PDE4D: variants seen among roughly 807,000 people sequenced by gnomAD.
PDE4D encodes 3',5'-cyclic-AMP phosphodiesterase 4D.
In PDE4D, 24 loss-of-function variants were observed where a neutral mutation model predicts 87.4. The observed-to-expected ratio is 0.27, with a 90% CI of 0.20 to 0.39. The LOEUF (loss-of-function observed/expected upper bound fraction) is 0.39, where lower values mean the gene tolerates loss of function less well. Among genes scored for constraint, PDE4D ranks in the 10% least tolerant of loss-of-function variants. The pLI is 1.00. For missense variants in PDE4D, 714 were observed against 1,041.0 expected, an observed-to-expected ratio of 0.69 and a Z score of 4.32; for synonymous variants, 384 against 383.2, an observed-to-expected ratio of 1.00 and a Z score of -0.02.
chr5:60,173,064 A>T (rs1184391934), intron 2 of PDE4D, among the ~76,000 whole-genome samples: 1 of 152,102 alleles, frequency 6.6e-6, no homozygotes, highest in Non-Finnish European at 1.5e-5. Flanking sequence ...GGATAGCTAT[A>T]AATATAGATA....
At chr5:60,168,973 A>G (rs1240335766) in intron 2 of PDE4D, among the ~76,000 whole-genome samples, 1 of 152,152 alleles carries the variant, frequency 6.6e-6, no homozygotes, top group Non-Finnish European at 1.5e-5. Flanking sequence ...GTATACCACT[A>G]GAGCTCTTGT....
At chr5:59,800,421 C>G (rs1013517251) in intron 1 of PDE4D, among the ~76,000 whole-genome samples, 49 of 152,196 alleles carry the variant, frequency 3.2e-4, no homozygotes, top group Admixed American at 3.0e-3. Context: ...ATATGTGTAT[C>G]AAGTGCTGCT....
At chr5:59,794,015 G>T (rs576483685) in intron 1 of PDE4D, among the ~76,000 whole-genome samples, 1 of 152,162 alleles carries the variant, frequency 6.6e-6, no homozygotes, top group South Asian at 2.1e-4. Flanking sequence ...GCACTCATGT[G>T]TATACACACA....
chr5:59,344,759 T>C (rs1392883768), intron 1 of PDE4D, among the ~76,000 whole-genome samples: 1 of 152,162 alleles, frequency 6.6e-6, no homozygotes, highest in Non-Finnish European at 1.5e-5. Context: ...TGATATATTG[T>C]TTCACATCAT....
At chr5:60,035,322 A>T (rs2152862959) in intron 2 of PDE4D, among the ~76,000 whole-genome samples, 1 of 151,974 alleles carries the variant, frequency 6.6e-6, no homozygotes, top group East Asian at 1.9e-4. Flanking sequence ...TAGCACATCA[A>T]GGTAGGTCCT....
At chr5:59,319,624 AAC>A (rs1181568456) in intron 1 of PDE4D, among the ~76,000 whole-genome samples, 3 of 152,180 alleles carry the variant, frequency 2.0e-5, no homozygotes, top group African/African-American at 7.2e-5. Flanking sequence ...GTGAAATAAC[AAC>A]AGAGTCTCTA....
intron 1 of PDE4D, among the ~76,000 whole-genome samples, chr5:59,228,439 CA>C (rs58563221): frequency 0.3 from 44,196 of 148,532 alleles, 7,985 homozygotes; most frequent in African/African-American, 0.5. Context: ...ACAACAACAA[CA>C]AAAAAAAAAA....
chr5:59,979,715 G>A (rs774947436), intron 3 of PDE4D, among the ~76,000 whole-genome samples: 7 of 151,930 alleles, frequency 4.6e-5, no homozygotes, highest in African/African-American at 9.7e-5. Context: ...AAAAGTGCCC[G>A]GCTCCATCTA....
chr5:59,450,126 T>C (rs1213609657), intron 1 of PDE4D, among the ~76,000 whole-genome samples: 1 of 152,230 alleles, frequency 6.6e-6, no homozygotes, highest in African/African-American at 2.4e-5. Context: ...AAAAGCTCTA[T>C]TCTGACTATG....
chr5:59,878,576 G>A (rs977066794), intron 1 of PDE4D, among the ~76,000 whole-genome samples: 1 of 152,082 alleles, frequency 6.6e-6, no homozygotes, highest in African/African-American at 2.4e-5. Context: ...GCCTCCCAAA[G>A]TGCTGAGATT....
intron 1 of PDE4D, among the ~76,000 whole-genome samples, chr5:60,201,234 GT>G (rs1237044145): frequency 0.023 from 3,111 of 135,228 alleles, 115 homozygotes; most frequent in African/African-American, 0.075. Context: ...AAGAAATAGA[GT>G]TTTTTTTTTT....
chr5:59,362,315 C>G (rs1163466887), intron 1 of PDE4D, among the ~76,000 whole-genome samples: 1 of 152,102 alleles, frequency 6.6e-6, no homozygotes, highest in Non-Finnish European at 1.5e-5. Context: ...AATAGGCATA[C>G]CACTTTATCA....
Position 59,893,706 on chromosome 5 carries a change from T to C in PDE4D, c.-84A>G, listed in dbSNP as rs930735099. 13 of 1,370,744 alleles carry C rather than the reference T, an allele frequency of 9.5e-6. No individual in the cohort carries two copies. In the Admixed American group the frequency reaches 1.2e-4, roughly 13 times the overall value. The allele number at this position is 1,370,744 out of a possible 1,614,324, so 84.9% of individuals were successfully genotyped here. A position where few individuals can be genotyped will look rare whatever the true frequency, so the allele number is the denominator to read the frequency against. ...GCCTTCCTGATGCTGCTGCTGCTGCTGCCGCCGCCGCCGCTTCTGCAGCCC... is the reference window on the plus strand; with the variant it reads ...GCCTTCCTGATGCTGCTGCTGCTGCCGCCGCCGCCGCCGCTTCTGCAGCCC... On this transcript the variant is annotated 5_prime_UTR_variant, in exon 1 of 15. Transcript: ENST00000340635.
intron 1 of PDE4D, among the ~76,000 whole-genome samples, chr5:60,369,955 C>T (rs1045778005): frequency 2.0e-5 from 3 of 152,156 alleles, no homozygotes; most frequent in South Asian, 2.1e-4. Flanking sequence ...CATGTAGTAT[C>T]CACAGATGTC....
intron 1 of PDE4D, among the ~76,000 whole-genome samples, chr5:60,407,799 A>G (rs755861930): frequency 1.3e-5 from 2 of 151,818 alleles, no homozygotes; most frequent in African/African-American, 2.4e-5. Context: ...TTTTGCACCA[A>G]CCTAATATTA....
intron 2 of PDE4D, among the ~76,000 whole-genome samples, chr5:60,145,089 C>T (rs1243816523): frequency 6.6e-6 from 1 of 152,134 alleles, no homozygotes; most frequent in Non-Finnish European, 1.5e-5. Context: ...TATGGGATTG[C>T]AGTTGTTTTT....
chr5:59,780,222 T>C (rs1322515030), intron 1 of PDE4D, among the ~76,000 whole-genome samples: 1 of 152,142 alleles, frequency 6.6e-6, no homozygotes, highest in Non-Finnish European at 1.5e-5. Context: ...AAAAATTAGC[T>C]GGGCATGGTG....
At chr5:59,905,784 G>A (rs892696702) in intron 3 of PDE4D, among the ~76,000 whole-genome samples, 35 of 152,014 alleles carry the variant, frequency 2.3e-4, no homozygotes, top group African/African-American at 8.5e-4. Context: ...ATATAATTTA[G>A]GAAATTAGGG....
chr5:59,610,463 A>G (rs768480255), intron 1 of PDE4D, among the ~76,000 whole-genome samples: 23 of 152,174 alleles, frequency 1.5e-4, no homozygotes, highest in Non-Finnish European at 3.1e-4. Flanking sequence ...TCAGCTTTCA[A>G]CTCAAGAATT....
Sources: allele counts gnomAD v4.1 joint callset (sites outside exome capture counted in the v4.1 genomes callset), GRCh38; gene constraint gnomAD v4.1.1; transcripts MANE v1.5; gene names NCBI Gene and HGNC (gene_info 2026-07-23, HGNC 2026-07-21).